Variants in CLSTN2 observed in about 807,000 individuals in gnomAD.
CLSTN2 encodes the protein calsyntenin-2.
A neutral mutation model predicts 101.2 loss-of-function variants in CLSTN2; 48 were observed. The ratio of observed to expected loss-of-function variants is 0.47; its 90% confidence interval spans 0.38 to 0.60. The LOEUF (loss-of-function observed/expected upper bound fraction) is 0.60. CLSTN2 is among the 20% of genes least tolerant of loss of function. The pLI is 0.00. For synonymous variants in CLSTN2, 481 were observed against 463.6 expected (o/e 1.04, Z -0.48); for missense variants, 1,160 against 1,238.2 (o/e 0.94, Z 0.95).
chr3:140,228,007 G>A (rs2086338457), intron 2 of CLSTN2, among the ~76,000 whole-genome samples: 1 of 152,158 alleles, frequency 6.6e-6, no homozygotes, highest in African/African-American at 2.4e-5. Context: ...ACATGCCCTG[G>A]AGACATTTCC....
chr3:140,011,360 T>C (rs1447145111), intron 1 of CLSTN2, among the ~76,000 whole-genome samples: 1 of 151,876 alleles, frequency 6.6e-6, no homozygotes, highest in East Asian at 1.9e-4. Context: ...CAGCAAAGGG[T>C]AGGGGGAGGT....
intron 5 of CLSTN2, among the ~76,000 whole-genome samples, chr3:140,424,343 G>A (rs998227629): frequency 3.9e-5 from 6 of 152,152 alleles, no homozygotes; most frequent in Admixed American, 2.6e-4. Context: ...CAGGCCATAA[G>A]GCCTTTCTAG....
At chr3:140,243,726 T>A (rs2086490723) in intron 2 of CLSTN2, among the ~76,000 whole-genome samples, 1 of 152,164 alleles carries the variant, frequency 6.6e-6, no homozygotes, top group Non-Finnish European at 1.5e-5. Flanking sequence ...GCTAGCAGTG[T>A]CAGCATCACT....
intron 3 of CLSTN2, 37 bp downstream of exon 3, chr3:140,403,861 C>G: frequency 6.6e-7 from 1 of 1,519,316 alleles, no homozygotes; most frequent in African/African-American, 1.4e-5. Context: ...ACGCCCCTCC[C>G]TCCCGTGCCC....
intron 5 of CLSTN2, among the ~76,000 whole-genome samples, chr3:140,438,603 G>A (rs771471541): frequency 5.3e-5 from 8 of 152,026 alleles, no homozygotes; most frequent in Non-Finnish European, 8.8e-5. Context: ...TCAAAGCCAT[G>A]TAAGTAAAGA....
At chr3:140,055,098 C>A (rs2008074683) in intron 1 of CLSTN2, among the ~76,000 whole-genome samples, 2 of 152,190 alleles carry the variant, frequency 1.3e-5, no homozygotes, top group African/African-American at 4.8e-5. Flanking sequence ...GATAGGAAAG[C>A]AGCTCAGTGA....
chr3:140,321,729 C>T (rs1287732503), intron 2 of CLSTN2, among the ~76,000 whole-genome samples: 1 of 152,168 alleles, frequency 6.6e-6, no homozygotes, highest in Non-Finnish European at 1.5e-5. Flanking sequence ...TCCATGATTC[C>T]TCAGCCCCAC....
At chr3:140,263,632 A>G (rs1231575166) in intron 2 of CLSTN2, among the ~76,000 whole-genome samples, 2 of 152,226 alleles carry the variant, frequency 1.3e-5, no homozygotes, top group Admixed American at 6.5e-5. Flanking sequence ...GATGCTCCCC[A>G]AAAAACTTAC....
chr3:140,546,652 T>C lies in CLSTN2; in HGVS notation c.1645T>C (p.Ser549Pro), dbSNP rs1441721167. 6.2e-7 allele frequency: 1 copy of C among 1,613,554 alleles called. No individual in the cohort carries two copies. Residue 549 changes from serine (S) to proline (P), a missense_variant, in exon 10 of 17, where the codon TCC becomes CCC. Coordinates refer to ENST00000458420, the MANE Select transcript of CLSTN2 (RefSeq NM_022131.3). The stretch of plus-strand genomic sequence containing the variant: ...CTGCAAGGAAGGGCTGGACATTAAT[T>C]CCTTGGAAAGCCTTGGCCAAGGAAT... ...QACKEGLDIN[S>P]LESLGQGIKY...
At chr3:140,330,559 C>T (rs772947654) in intron 2 of CLSTN2, among the ~76,000 whole-genome samples, 18 of 152,192 alleles carry the variant, frequency 1.2e-4, no homozygotes, top group Non-Finnish European at 2.5e-4. Flanking sequence ...CTTGCCCTCT[C>T]ACTCTGGCTT....
At chr3:140,118,494 C>G (rs1366035327) in intron 1 of CLSTN2, among the ~76,000 whole-genome samples, 2 of 152,026 alleles carry the variant, frequency 1.3e-5, no homozygotes, top group Non-Finnish European at 2.9e-5. Context: ...AGTGATGAGG[C>G]TGGGGAAACA....
At chr3:140,137,143 G>T (rs1419515368) in intron 1 of CLSTN2, among the ~76,000 whole-genome samples, 1 of 152,154 alleles carries the variant, frequency 6.6e-6, no homozygotes, top group African/African-American at 2.4e-5. Context: ...ATTGGTGAGG[G>T]ATACTCCTGT....
intron 1 of CLSTN2, among the ~76,000 whole-genome samples, chr3:139,992,313 C>T (rs1264690456): frequency 6.6e-6 from 1 of 152,138 alleles, no homozygotes; most frequent in Non-Finnish European, 1.5e-5. Context: ...AAAATATAGT[C>T]ATGCCAGAAT....
chr3:140,549,295 CA>C (rs1935663569), intron 10 of CLSTN2, among the ~76,000 whole-genome samples: 1 of 150,018 alleles, frequency 6.7e-6, no homozygotes, highest in Non-Finnish European at 1.5e-5. Flanking sequence ...AGAACCATAG[CA>C]ATTTCTAGAG....
At chr3:140,360,908 A>G (rs1337460765) in intron 2 of CLSTN2, among the ~76,000 whole-genome samples, 1 of 152,208 alleles carries the variant, frequency 6.6e-6, no homozygotes. Flanking sequence ...AGATGACTTC[A>G]CTGGTGAATT....
At chr3:140,538,844 G>C (rs567574719) in intron 9 of CLSTN2, among the ~76,000 whole-genome samples, 87 of 152,286 alleles carry the variant, frequency 5.7e-4, no homozygotes, top group African/African-American at 2.0e-3. Flanking sequence ...AAAAGGCCAA[G>C]GTCAAGTCGG....
chr3:140,526,249 T>C (rs1935134748), intron 8 of CLSTN2, among the ~76,000 whole-genome samples: 1 of 152,076 alleles, frequency 6.6e-6, no homozygotes, highest in South Asian at 2.1e-4. Flanking sequence ...CAAAAATTAG[T>C]AGCATTTCTA....
At chr3:140,047,143 G>A (rs533572341) in intron 1 of CLSTN2, among the ~76,000 whole-genome samples, 1 of 152,122 alleles carries the variant, frequency 6.6e-6, no homozygotes, top group South Asian at 2.1e-4. Flanking sequence ...AAAACCTTTA[G>A]TAAACTTATG....
At position 139,957,504 on chromosome 3, in the gene CLSTN2, T is replaced by TA. The variant is rs573814418; in HGVS notation, c.109+22022dup. 1.1e-3 allele frequency among the ~76,000 whole-genome samples: 162 copies of TA among 151,216 alleles called. 2 individuals carry two copies. The highest frequency in any genetic ancestry group is 9.0e-4 in the Non-Finnish European group (61 of 67,738). ...ATGTAATCTTTACTTTTTTTTTTTTTATCTGAGAAGCCTGATTGGTTTATT... is the reference window on the plus strand; with the variant it reads ...ATGTAATCTTTACTTTTTTTTTTTTTAATCTGAGAAGCCTGATTGGTTTATT... On this transcript the variant is annotated intron_variant, in intron 1 of 16. Coordinates refer to ENST00000458420, the MANE Select transcript of CLSTN2 (RefSeq NM_022131.3).
Sources: gnomAD v4.1 joint callset for allele counts (sites outside exome capture counted in the v4.1 genomes callset) on GRCh38, gnomAD v4.1.1 for gene constraint, MANE v1.5 for transcripts, NCBI Gene and HGNC (gene_info 2026-07-23, HGNC 2026-07-21) for gene names.